PTPRT: variants seen among roughly 807,000 people sequenced by gnomAD.
The protein encoded by PTPRT is receptor-type tyrosine-protein phosphatase T.
PTPRT carries 56 observed loss-of-function variants against 176.8 expected under a neutral mutation model. That is an observed-to-expected ratio of 0.32 (90% CI 0.26 to 0.40). PTPRT has a LOEUF of 0.40. PTPRT is among the 10% of genes least tolerant of loss of function. PTPRT has a pLI of 1.00. For synonymous variants in PTPRT, 783 were observed against 739.0 expected (o/e 1.06, Z -0.96); for missense variants, 1,540 against 1,908.2 (o/e 0.81, Z 3.60).
chr20:42,605,878 A>G (rs1465146203), intron 7 of PTPRT, among the ~76,000 whole-genome samples: 1 of 152,212 alleles, frequency 6.6e-6, no homozygotes, highest in Non-Finnish European at 1.5e-5. Flanking sequence ...CCCTGGCCCT[A>G]GAGTCAGATT....
chr20:42,850,202 C>A (rs1248643349), intron 2 of PTPRT, among the ~76,000 whole-genome samples: 1 of 152,190 alleles, frequency 6.6e-6, no homozygotes, highest in Non-Finnish European at 1.5e-5. Flanking sequence ...GAATTTGAAA[C>A]CTAACCCAAA....
At chr20:42,575,663 G>A (rs2073245940) in intron 7 of PTPRT, among the ~76,000 whole-genome samples, 2 of 152,156 alleles carry the variant, frequency 1.3e-5, no homozygotes, top group African/African-American at 4.8e-5. Flanking sequence ...CCGTTGTAGC[G>A]TGAATGTTCC....
At chr20:42,103,704 AAG>A (rs1213045930) in intron 25 of PTPRT, among the ~76,000 whole-genome samples, 1 of 152,234 alleles carries the variant, frequency 6.6e-6, no homozygotes. Context: ...TTTTAGCAGT[AAG>A]AGTCTACTGA....
chr20:42,879,058 A>C (rs1312551035), intron 2 of PTPRT, among the ~76,000 whole-genome samples: 4 of 152,162 alleles, frequency 2.6e-5, no homozygotes, highest in Non-Finnish European at 5.9e-5. Context: ...AAAAAACAGA[A>C]GAAAGCAAAG....
At chr20:42,248,353 T>A (rs1358499916) in intron 14 of PTPRT, among the ~76,000 whole-genome samples, 1 of 152,198 alleles carries the variant, frequency 6.6e-6, no homozygotes, top group South Asian at 2.1e-4. Flanking sequence ...TCCCGAGCTA[T>A]CTTGATGACA....
At chr20:42,435,689 T>G (rs1212377476) in intron 9 of PTPRT, among the ~76,000 whole-genome samples, 1 of 152,178 alleles carries the variant, frequency 6.6e-6, no homozygotes, top group South Asian at 2.1e-4. Flanking sequence ...AGATTGAATA[T>G]CATAAAATGT....
chr20:42,527,019 A>G (rs1406631069), intron 7 of PTPRT, among the ~76,000 whole-genome samples: 26 of 126,062 alleles, frequency 2.1e-4, no homozygotes, highest in Non-Finnish European at 3.1e-5. Flanking sequence ...GCTGGAGTGC[A>G]GTGGCACGAT....
At chr20:42,772,082 C>T (rs1600720804) in intron 4 of PTPRT, among the ~76,000 whole-genome samples, 1 of 152,152 alleles carries the variant, frequency 6.6e-6, no homozygotes, top group South Asian at 2.1e-4. Context: ...AAGTGAAGCA[C>T]CTTTGGGCCT....
intron 1 of PTPRT, among the ~76,000 whole-genome samples, chr20:43,051,472 G>A (rs989401890): frequency 1.3e-5 from 2 of 151,894 alleles, no homozygotes; most frequent in Admixed American, 6.6e-5. Flanking sequence ...GCCATAAAAT[G>A]TTCTTAAACA....
intron 2 of PTPRT, among the ~76,000 whole-genome samples, chr20:42,841,234 A>G (rs761080507): frequency 6.6e-5 from 10 of 152,190 alleles, no homozygotes; most frequent in Admixed American, 1.3e-4. Flanking sequence ...CTAATGAGTC[A>G]AAGCTCCTTT....
chr20:42,956,840 T>G lies in PTPRT; in HGVS notation c.89-70908A>C, dbSNP rs575470696. ...AGGCTTGGGGAACAGGTGGGCCAAG[T>G]GAATCTAGGAGGCACATAAACTGAG... is the stretch of plus-strand genomic sequence containing the variant. On this transcript the variant is annotated intron_variant, in intron 1 of 30. Transcript: ENST00000373187. Among the ~76,000 whole-genome samples the G allele has an allele frequency of 3.3e-4, 50 of 152,256 alleles. 1 individual carries two copies. In the South Asian group the frequency reaches 0.01, roughly 31 times the overall value.
intron 13 of PTPRT, among the ~76,000 whole-genome samples, chr20:42,273,014 G>T (rs1168114071): frequency 6.6e-6 from 1 of 152,120 alleles, no homozygotes; most frequent in African/African-American, 2.4e-5. Context: ...ACCCTAAGTT[G>T]ATTTATGTCT....
chr20:42,972,931 T>C (rs1047683483), intron 1 of PTPRT, among the ~76,000 whole-genome samples: 2 of 152,138 alleles, frequency 1.3e-5, no homozygotes, highest in African/African-American at 4.8e-5. Flanking sequence ...AGAAACTGGA[T>C]ATTTAATTTT....
At chr20:42,745,052 A>G (rs951466803) in intron 6 of PTPRT, among the ~76,000 whole-genome samples, 1 of 152,120 alleles carries the variant, frequency 6.6e-6, no homozygotes, top group Non-Finnish European at 1.5e-5. Context: ...GGAAATGGGG[A>G]GTCAGTCTGC....
the PTPRT span, among the ~76,000 whole-genome samples, chr20:42,056,148 T>G: frequency 1.3e-5 from 2 of 152,190 alleles, no homozygotes; most frequent in Non-Finnish European, 2.9e-5. Flanking sequence ...TAGTTTGACC[T>G]GAGATGGGCT....
At position 42,666,344 on chromosome 20, in the gene PTPRT, A is replaced by T. The variant is rs182633519; in HGVS notation, c.1153+11522T>A. ...TGAAAGGGTTTATGTTTCAAAAATT[A>T]AAAAAATATACTTTCATTCATGCAT... On this transcript the variant is annotated intron_variant, in intron 7 of 30. Coordinates refer to ENST00000373187, the MANE Select transcript of PTPRT (RefSeq NM_007050.6). Among the ~76,000 whole-genome samples, 1,508 of 151,950 alleles carry T rather than the reference A, an allele frequency of 9.9e-3. 8 individuals are homozygous for T. The highest frequency in any genetic ancestry group is 0.017 in the Non-Finnish European group (1,133 of 68,002).
At chr20:42,430,202 G>A (rs2059203689) in intron 9 of PTPRT, among the ~76,000 whole-genome samples, 1 of 152,214 alleles carries the variant, frequency 6.6e-6, no homozygotes, top group Middle Eastern at 3.2e-3. Context: ...AACTGGGCAA[G>A]GGGAGGAATT....
chr20:42,087,239 T>C (rs938417287), intron 27 of PTPRT, among the ~76,000 whole-genome samples: 1 of 151,362 alleles, frequency 6.6e-6, no homozygotes, highest in Non-Finnish European at 1.5e-5. Flanking sequence ...TTATTATTAT[T>C]ATTATTTTTG....
At chr20:42,606,207 C>T (rs1271607596) in intron 7 of PTPRT, among the ~76,000 whole-genome samples, 4 of 151,670 alleles carry the variant, frequency 2.6e-5, no homozygotes, top group African/African-American at 9.7e-5. Flanking sequence ...GGGACCCCTT[C>T]CACCCCAAGA....
Sources: allele counts gnomAD v4.1 joint callset (sites outside exome capture counted in the v4.1 genomes callset), GRCh38; gene constraint gnomAD v4.1.1; transcripts MANE v1.5; gene names NCBI Gene and HGNC (gene_info 2026-07-23, HGNC 2026-07-21).